The following DPYD variants were observed in gnomAD, a reference collection of about 807,000 sequenced individuals.
The protein encoded by DPYD is dihydropyrimidine dehydrogenase [NADP(+)].
A neutral mutation model predicts 116.2 loss-of-function variants in DPYD; 109 were observed. The observed-to-expected ratio is 0.94, with a 90% CI of 0.80 to 1.10. The LOEUF is 1.10. DPYD is among the 50% of genes least tolerant of loss of function. The pLI is 0.00. For missense variants in DPYD, 1,302 were observed against 1,254.5 expected (o/e 1.04, Z -0.57); for synonymous variants, 440 against 432.0 (o/e 1.02, Z -0.23).
chr1:97,413,957 A>G (rs961877870), intron 14 of DPYD, among the ~76,000 whole-genome samples: 7 of 152,190 alleles, frequency 4.6e-5, no homozygotes, highest in Non-Finnish European at 7.4e-5. Context: ...TATATAAATA[A>G]TACATACATA....
intron 8 of DPYD, among the ~76,000 whole-genome samples, chr1:97,640,654 T>C (rs372855094): frequency 4.6e-4 from 70 of 152,232 alleles, no homozygotes; most frequent in African/African-American, 1.6e-3. Context: ...AATTGTAAGT[T>C]ATGTAACCAC....
chr1:97,883,886 T>C (rs751946554), intron 1 of DPYD: 7 of 455,220 alleles, frequency 1.5e-5, no homozygotes, highest in African/African-American at 6.4e-5. Flanking sequence ...ATTTGCAAGA[T>C]TGTGTTTAAT....
Position 97,373,728 on chromosome 1 carries a change from C to T in DPYD, c.1975-84G>A, listed in dbSNP as rs115878359. 853 of 1,203,374 alleles carry T rather than the reference C, an allele frequency of 7.1e-4. 4 individuals carry two copies. The African/African-American group carries it at 0.012, about 17-fold the overall frequency. The allele number at this position is 1,203,374 out of a possible 1,614,324, so 74.5% of individuals were successfully genotyped here. On this transcript the variant is annotated intron_variant, in intron 15 of 22. Coordinates refer to ENST00000370192, the MANE Select transcript of DPYD (RefSeq NM_000110.4). ...CTTTCACCGTTGATAACACAAGTCA[C>T]ATTTGTCAAGTGTTAACTATTCTGT...
At chr1:97,885,410 A>G (rs2101647380) in intron 1 of DPYD, among the ~76,000 whole-genome samples, 1 of 152,196 alleles carries the variant, frequency 6.6e-6, no homozygotes, top group South Asian at 2.1e-4. Flanking sequence ...ATCATTTTCT[A>G]GGTGATATCT....
chr1:97,705,468 A>C (rs1469941128), intron 5 of DPYD, among the ~76,000 whole-genome samples: 1 of 151,884 alleles, frequency 6.6e-6, no homozygotes, highest in African/African-American at 2.4e-5. Context: ...TGAACTCATC[A>C]TTTTTTATGG....
intron 8 of DPYD, among the ~76,000 whole-genome samples, chr1:97,603,057 C>T (rs958795662): frequency 2.6e-5 from 4 of 151,800 alleles, no homozygotes; most frequent in Non-Finnish European, 5.9e-5. Flanking sequence ...CTTCTATTTT[C>T]TCTGTTTCTT....
At chr1:97,845,669 T>C (rs1275895077) in intron 2 of DPYD, among the ~76,000 whole-genome samples, 1 of 152,166 alleles carries the variant, frequency 6.6e-6, no homozygotes, top group Admixed American at 6.5e-5. Flanking sequence ...AAAATAGGGC[T>C]GAAACAGAAT....
At chr1:97,672,881 T>C (rs1659944864) in intron 8 of DPYD, among the ~76,000 whole-genome samples, 1 of 152,174 alleles carries the variant, frequency 6.6e-6, no homozygotes, top group Admixed American at 6.5e-5. Context: ...TTGTCTGTTA[T>C]AATATTTGGG....
chr1:97,648,640 G>A (rs2100836439), intron 8 of DPYD, among the ~76,000 whole-genome samples: 1 of 152,062 alleles, frequency 6.6e-6, no homozygotes, highest in South Asian at 2.1e-4. Flanking sequence ...CTATTGAAAG[G>A]TAAGAATACA....
intron 8 of DPYD, among the ~76,000 whole-genome samples, chr1:97,644,221 A>G (rs1034349150): frequency 2.6e-5 from 4 of 152,282 alleles, no homozygotes; most frequent in South Asian, 2.1e-4. Flanking sequence ...ATGTCTGTAT[A>G]TGGGGGAACT....
chr1:97,413,099 C>A (rs1001139752), intron 14 of DPYD, among the ~76,000 whole-genome samples: 1 of 152,042 alleles, frequency 6.6e-6, no homozygotes, highest in Non-Finnish European at 1.5e-5. Context: ...GGTCCCTGGC[C>A]CCATATTTGG....
At chr1:97,538,409 C>A (rs1650180104) in intron 12 of DPYD, among the ~76,000 whole-genome samples, 1 of 152,154 alleles carries the variant, frequency 6.6e-6, no homozygotes, top group Non-Finnish European at 1.5e-5. Flanking sequence ...TCACTCTTGA[C>A]CTGGGGCAGA....
At chr1:97,115,958 T>C (rs1651934671) in intron 20 of DPYD, among the ~76,000 whole-genome samples, 1 of 152,166 alleles carries the variant, frequency 6.6e-6, no homozygotes, top group Non-Finnish European at 1.5e-5. Flanking sequence ...TTCCTGAGAA[T>C]ATGAAACTCC....
chr1:97,079,245 A>G, intron 22 of DPYD, 99 bp from the exon 23 acceptor site: 1 of 1,260,990 alleles, frequency 7.9e-7, no homozygotes. Context: ...GAGGAGCCAC[A>G]CTATGAGACA....
At chr1:97,119,982 G>A (rs1213935241) in intron 20 of DPYD, among the ~76,000 whole-genome samples, 1 of 152,092 alleles carries the variant, frequency 6.6e-6, no homozygotes, top group African/African-American at 2.4e-5. Flanking sequence ...GCTAAACGAA[G>A]ACCCGCAGAT....
intron 8 of DPYD, among the ~76,000 whole-genome samples, chr1:97,620,330 T>A (rs148577325): frequency 2.6e-5 from 4 of 152,292 alleles, no homozygotes; most frequent in African/African-American, 9.6e-5. Context: ...TCCTCCAGCC[T>A]CAGCCTCCCT....
At chr1:97,254,840 A>G (rs1428346262) in intron 18 of DPYD, among the ~76,000 whole-genome samples, 1 of 152,202 alleles carries the variant, frequency 6.6e-6, no homozygotes, top group African/African-American at 2.4e-5. Context: ...AAACAAGAAG[A>G]AAAGATCTCA....
At position 97,711,496 on chromosome 1, in the gene DPYD, T is replaced by C. The variant is rs894806330; in HGVS notation, c.483+10014A>G. Among the ~76,000 whole-genome samples the C allele has an allele frequency of 1.3e-5, 2 of 151,970 alleles. 1 individual carries two copies. Among genetic ancestry groups the C allele is most frequent in the African/African-American group, 4.8e-5 (2 of 41,436 alleles). On this transcript the variant is annotated intron_variant, in intron 5 of 22. Coordinates refer to ENST00000370192, the MANE Select transcript of DPYD (RefSeq NM_000110.4). ...CTAAATGTGCATCACTTTTACACCA[T>C]TTTAAAGTCAAAAAATCCTAAGTTG...
chr1:97,440,144 G>C (rs1174074630), intron 14 of DPYD, among the ~76,000 whole-genome samples: 2 of 151,654 alleles, frequency 1.3e-5, no homozygotes, highest in Admixed American at 6.6e-5. Context: ...GCATGGTGAC[G>C]CATGCCTGTA....
Sources: allele counts gnomAD v4.1 joint callset (sites outside exome capture counted in the v4.1 genomes callset), GRCh38; gene constraint gnomAD v4.1.1; transcripts MANE v1.5; gene names NCBI Gene and HGNC (gene_info 2026-07-23, HGNC 2026-07-21).